The following LRRC28 variants were observed in gnomAD, a reference collection of about 807,000 sequenced individuals.
The protein encoded by LRRC28 is leucine rich repeat containing 28.
In LRRC28, 39 loss-of-function variants were observed where a neutral mutation model predicts 45.7. The ratio of observed to expected loss-of-function variants is 0.85; its 90% CI spans 0.66 to 1.12. The LOEUF is 1.12. LRRC28 is among the 50% of genes most tolerant of loss of function. The pLI, the probability that LRRC28 is intolerant of heterozygous loss-of-function variation, is 0.00. For missense variants in LRRC28, 435 were observed against 438.5 expected (o/e 0.99, Z 0.07); for synonymous variants, 206 against 178.8 (o/e 1.15, Z -1.22).
At chr15:99,310,403 A>G (rs923407057) in intron 5 of LRRC28, among the ~76,000 whole-genome samples, 1 of 152,218 alleles carries the variant, frequency 6.6e-6, no homozygotes, top group African/African-American at 2.4e-5. Flanking sequence ...TTCCTGAACC[A>G]TTAGGTAAAA....
intron 5 of LRRC28, among the ~76,000 whole-genome samples, chr15:99,324,051 A>G (rs1372841324): frequency 6.6e-6 from 1 of 152,218 alleles, no homozygotes; most frequent in Non-Finnish European, 1.5e-5. Flanking sequence ...TTATTTGTAC[A>G]GTAGTCCCCT....
rs141631253 is a variant in LRRC28, at chr15:99,336,024, G to A, written c.592+1895G>A. Among the ~76,000 whole-genome samples the A allele has an allele frequency of 3.9e-5, 6 of 152,064 alleles. No homozygotes were observed. In the East Asian group the frequency reaches 9.7e-4, roughly 24 times the overall value. ...AAACAGATTAGGTTGTTAAGTCTGG[G>A]GTCGCCTATACTACTATTCATAATG... On this transcript the variant is annotated intron_variant, in intron 6 of 9. Coordinates refer to ENST00000301981, the MANE Select transcript of LRRC28 (RefSeq NM_144598.5).
At chr15:99,262,935 C>G (rs369850879) in intron 2 of LRRC28, among the ~76,000 whole-genome samples, 353 of 152,186 alleles carry the variant, frequency 2.3e-3, no homozygotes, top group African/African-American at 7.7e-3. Flanking sequence ...CGGTGAGCCA[C>G]TGTGCCTGGC....
chr15:99,295,344 C>G (rs1362236881), intron 5 of LRRC28, among the ~76,000 whole-genome samples: 3 of 152,208 alleles, frequency 2.0e-5, no homozygotes, highest in Non-Finnish European at 4.4e-5. Flanking sequence ...AACTAATTTT[C>G]TCCCAATGAC....
chr15:99,354,292 A>G (rs1956980977), intron 7 of LRRC28, among the ~76,000 whole-genome samples: 1 of 152,236 alleles, frequency 6.6e-6, no homozygotes, highest in Admixed American at 6.5e-5. Context: ...TAATACTTCT[A>G]TGGCAAAATG....
Position 99,323,396 on chromosome 15 carries a change from C to A in LRRC28, c.386-10527C>A, listed in dbSNP as rs954924738. Among the ~76,000 whole-genome samples, 6 of 152,276 alleles carry A rather than the reference C, an allele frequency of 3.9e-5. No homozygotes were observed. In the East Asian group the frequency reaches 7.7e-4, roughly 20 times the overall value. On this transcript the variant is annotated intron_variant, in intron 5 of 9. Coordinates refer to ENST00000301981, the MANE Select transcript of LRRC28 (RefSeq NM_144598.5). ...TTTAAAAAATGATTTTAGACTATAT[C>A]TAGGATTCGATCCCAATTGTTACAA... is the stretch of plus-strand genomic sequence containing the variant.
intron 3 of LRRC28, among the ~76,000 whole-genome samples, chr15:99,277,883 G>A (rs967253728): frequency 5.3e-5 from 8 of 151,880 alleles, no homozygotes; most frequent in African/African-American, 1.9e-4. Flanking sequence ...TTTAAAATAG[G>A]TTTTGAAGAT....
intron 3 of LRRC28, 140 bp downstream of exon 3, chr15:99,276,756 G>C: frequency 1.9e-6 from 1 of 528,108 alleles, no homozygotes; most frequent in Non-Finnish European, 3.2e-6. Flanking sequence ...AGGTAGACCT[G>C]TGGTTCTACT....
chr15:99,267,491 G>C (rs1393632772), intron 2 of LRRC28, among the ~76,000 whole-genome samples: 1 of 152,224 alleles, frequency 6.6e-6, no homozygotes, highest in Non-Finnish European at 1.5e-5. Flanking sequence ...GATCCTTGCA[G>C]CTTGAACTGC....
At chr15:99,267,936 G>A (rs1368713227) in intron 2 of LRRC28, among the ~76,000 whole-genome samples, 2 of 152,044 alleles carry the variant, frequency 1.3e-5, no homozygotes, top group Non-Finnish European at 2.9e-5. Context: ...CTCTATTTAT[G>A]GAGTCATAGG....
intron 9 of LRRC28, among the ~76,000 whole-genome samples, chr15:99,371,803 T>C (rs1011805413): frequency 1.3e-5 from 2 of 152,202 alleles, no homozygotes; most frequent in Non-Finnish European, 2.9e-5. Context: ...CATTCAAAAA[T>C]TATTTGTTGA....
intron 2 of LRRC28, among the ~76,000 whole-genome samples, chr15:99,267,968 T>C (rs2081375243): frequency 6.6e-6 from 1 of 152,198 alleles, no homozygotes; most frequent in Admixed American, 6.5e-5. Context: ...AGAAGCTTTA[T>C]TTATAATTTA....
chr15:99,287,435 A>G, intron 4 of LRRC28, 141 bp downstream of exon 4: 1 of 576,672 alleles, frequency 1.7e-6, no homozygotes, highest in South Asian at 3.4e-5. Context: ...GTTAAGAACT[A>G]TAATTAAATA....
intron 5 of LRRC28, among the ~76,000 whole-genome samples, chr15:99,322,067 T>C (rs756315073): frequency 2.6e-4 from 40 of 152,082 alleles, no homozygotes; most frequent in Non-Finnish European, 4.9e-4. Context: ...GACCGAGGAA[T>C]AGCAGATTCA....
At position 99,371,701 on chromosome 15, in the gene LRRC28, C is replaced by T. The variant is rs551924958; in HGVS notation, c.1031+8436C>T. 3.3e-5 allele frequency among the ~76,000 whole-genome samples: 5 copies of T among 152,240 alleles called. No homozygotes were observed. In the South Asian group the frequency reaches 1.0e-3, roughly 32 times the overall value. On this transcript the variant is annotated intron_variant, in intron 9 of 9. Transcript: ENST00000301981. ...TTTGGCAGAAGCCTATTCGTTGGCA[C>T]CCTCTTAAGGTGACTTATGAAATTT...
intron 5 of LRRC28, among the ~76,000 whole-genome samples, chr15:99,310,946 A>G (rs1259964314): frequency 1.3e-5 from 2 of 152,132 alleles, no homozygotes; most frequent in African/African-American, 2.4e-5. Flanking sequence ...ATTTTCAGCA[A>G]TATATTTACA....
intron 5 of LRRC28, among the ~76,000 whole-genome samples, chr15:99,303,646 C>T (rs895424808): frequency 1.3e-5 from 2 of 151,982 alleles, no homozygotes; most frequent in African/African-American, 4.8e-5. Flanking sequence ...TCAGCCTGGC[C>T]AACATGGTGA....
intron 9 of LRRC28, among the ~76,000 whole-genome samples, chr15:99,382,049 C>T (rs1189164207): frequency 6.6e-6 from 1 of 152,262 alleles, no homozygotes; most frequent in African/African-American, 2.4e-5. Flanking sequence ...CCACTACTCA[C>T]TTCAAAGCTG....
chr15:99,347,385 A>G (rs962576544), intron 6 of LRRC28, among the ~76,000 whole-genome samples: 4 of 151,976 alleles, frequency 2.6e-5, no homozygotes, highest in Non-Finnish European at 5.9e-5. Flanking sequence ...ATTTTTTTGT[A>G]TTTTTAGTAG....
Sources: allele counts gnomAD v4.1 joint callset (sites outside exome capture counted in the v4.1 genomes callset), GRCh38; gene constraint gnomAD v4.1.1; transcripts MANE v1.5; gene names NCBI Gene and HGNC (gene_info 2026-07-23, HGNC 2026-07-21).